Variants in LCORL observed in about 807,000 individuals in gnomAD.
The protein encoded by LCORL is ligand dependent nuclear receptor corepressor like, also known as ligand-dependent nuclear receptor corepressor-like protein.
A neutral mutation model predicts 141.8 loss-of-function variants in LCORL; 41 were observed. The ratio of observed to expected loss-of-function variants is 0.29; its 90% CI spans 0.23 to 0.38. The LOEUF is 0.38. Among genes scored for constraint, LCORL ranks in the 10% least tolerant of loss-of-function variants. The probability of loss-of-function intolerance (pLI) is 1.00; values close to 1 mark genes in which losing one functional copy is unlikely to be tolerated. For missense variants in LCORL, 1,759 were observed against 2,035.0 expected, an observed-to-expected ratio of 0.86 and a Z score of 2.61; for synonymous variants, 618 against 694.1, an observed-to-expected ratio of 0.89 and a Z score of 1.72.
At chr4:17,968,927 T>C (rs1715429176) in intron 2 of LCORL, among the ~76,000 whole-genome samples, 1 of 152,234 alleles carries the variant, frequency 6.6e-6, no homozygotes, top group Non-Finnish European at 1.5e-5. Context: ...CTTTGATATG[T>C]TGCCACACCT....
At chr4:17,921,156 TG>T in intron 4 of LCORL, among the ~76,000 whole-genome samples, 1 of 152,100 alleles carries the variant, frequency 6.6e-6, no homozygotes. Flanking sequence ...CCCGAGTAGC[TG>T]GGACTACAGG....
At chr4:17,921,164 C>T (rs562598451) in intron 4 of LCORL, among the ~76,000 whole-genome samples, 11 of 152,024 alleles carry the variant, frequency 7.2e-5, no homozygotes, top group Non-Finnish European at 1.6e-4. Context: ...GCTGGGACTA[C>T]AGGCACACAC....
intron 1 of LCORL, among the ~76,000 whole-genome samples, chr4:17,985,794 C>T (rs952916243): frequency 6.6e-5 from 10 of 152,036 alleles, no homozygotes; most frequent in Admixed American, 4.6e-4. Flanking sequence ...GTGGATTTGA[C>T]CCTGTTATTG....
intron 7 of LCORL, among the ~76,000 whole-genome samples, chr4:17,857,473 TG>T (rs1461934459): frequency 6.6e-6 from 1 of 152,136 alleles, no homozygotes; most frequent in Non-Finnish European, 1.5e-5. Flanking sequence ...AGTCCGCAGG[TG>T]GGTACTGGAT....
intron 1 of LCORL, among the ~76,000 whole-genome samples, chr4:17,998,580 A>G (rs554414020): frequency 6.6e-6 from 1 of 152,292 alleles, no homozygotes; most frequent in Non-Finnish European, 1.5e-5. Flanking sequence ...TTCAGGGGCA[A>G]TAATAGGCAT....
rs373250301 is a variant in LCORL at position 17,908,376 on chromosome 4, C to G, written c.682+718G>C. Among the ~76,000 whole-genome samples the G allele has an allele frequency of 1.9e-4, 29 of 152,304 alleles. 1 individual carries two copies. In the South Asian group the frequency reaches 3.1e-3, roughly 16 times the overall value. ...AAGAGCCCCAAACTAACATCACTGC[C>G]TTCTGGAATCAAATTTAATGATGAC... On this transcript the variant is annotated intron_variant, in intron 5 of 7. Transcript: ENST00000635767.
chr4:17,873,895 T>C, exon 7 of LCORL: 1 of 1,234,070 alleles, frequency 8.1e-7, no homozygotes, highest in African/African-American at 1.5e-5. Flanking sequence ...TGGCTGCAAT[T>C]TGTTCCATTC....
At chr4:17,890,828 G>GTTAA (rs71651865) in intron 5 of LCORL, among the ~76,000 whole-genome samples, 29,918 of 151,804 alleles carry the variant, frequency 0.2, 3,303 homozygotes, top group African/African-American at 0.29. Context: ...ACTTTATTGG[G>GTTAA]TTTTTAGTTA....
chr4:17,905,663 G>A (rs993215635), intron 5 of LCORL, among the ~76,000 whole-genome samples: 1 of 151,714 alleles, frequency 6.6e-6, no homozygotes, highest in African/African-American at 2.4e-5. Context: ...ATAAACTTAT[G>A]GTTTATACTA....
chr4:17,951,002 A>G (rs1021868509), intron 4 of LCORL, among the ~76,000 whole-genome samples: 1 of 152,140 alleles, frequency 6.6e-6, no homozygotes, highest in Non-Finnish European at 1.5e-5. Flanking sequence ...CTATGGCTTC[A>G]GTTGATGGTT....
intron 3 of LCORL, among the ~76,000 whole-genome samples, chr4:17,962,482 A>G (rs556868703): frequency 6.6e-6 from 1 of 152,176 alleles, no homozygotes; most frequent in East Asian, 1.9e-4. Flanking sequence ...TGCTGGTTGC[A>G]TAGTTTATGC....
At chr4:17,986,503 C>T (rs1043559434) in intron 1 of LCORL, among the ~76,000 whole-genome samples, 1 of 152,142 alleles carries the variant, frequency 6.6e-6, no homozygotes, top group Non-Finnish European at 1.5e-5. Context: ...TTCAGACAGC[C>T]AGTCTTCAAG....
At chr4:17,974,578 A>T (rs1342088358) in intron 1 of LCORL, among the ~76,000 whole-genome samples, 1 of 152,156 alleles carries the variant, frequency 6.6e-6, no homozygotes, top group Admixed American at 6.5e-5. Context: ...AACATTCCAA[A>T]GCCCATTCCA....
At chr4:18,011,938 C>T (rs1388304653) in intron 1 of LCORL, among the ~76,000 whole-genome samples, 1 of 152,210 alleles carries the variant, frequency 6.6e-6, no homozygotes, top group African/African-American at 2.4e-5. Context: ...CATTACATTA[C>T]ACCAAGTCTA....
intron 4 of LCORL, among the ~76,000 whole-genome samples, chr4:17,913,323 A>G (rs1732875797): frequency 6.6e-6 from 1 of 152,236 alleles, no homozygotes; most frequent in African/African-American, 2.4e-5. Flanking sequence ...CTTTCAATGA[A>G]AAATTTAAAC....
At chr4:17,899,368 A>G (rs1730519174) in intron 5 of LCORL, among the ~76,000 whole-genome samples, 1 of 152,152 alleles carries the variant, frequency 6.6e-6, no homozygotes, top group African/African-American at 2.4e-5. Context: ...GCAAGCCAAA[A>G]AAAAACAAGA....
intron 1 of LCORL, among the ~76,000 whole-genome samples, chr4:17,990,602 T>C (rs1035364323): frequency 6.6e-6 from 1 of 151,682 alleles, no homozygotes; most frequent in African/African-American, 2.4e-5. Flanking sequence ...TCATTATTAA[T>C]GACAGTGGCT....
At chr4:17,880,413 CT>C (rs1437742352) in intron 6 of LCORL, 1 of 880,674 alleles carries the variant, frequency 1.1e-6, no homozygotes. Context: ...AGATCCTTTG[CT>C]TTTAAAGTTT....
chr4:17,897,779 T>C (rs1461434471), intron 5 of LCORL, among the ~76,000 whole-genome samples: 4 of 152,188 alleles, frequency 2.6e-5, no homozygotes, highest in Admixed American at 6.5e-5. Context: ...AAATTCGTCT[T>C]TGGGCTTCCT....
Sources: allele counts gnomAD v4.1 joint callset (sites outside exome capture counted in the v4.1 genomes callset), GRCh38; gene constraint gnomAD v4.1.1; transcripts MANE v1.5; gene names NCBI Gene and HGNC (gene_info 2026-07-23, HGNC 2026-07-21).